The following MYOM1 variants were observed in gnomAD, a reference collection of about 807,000 sequenced individuals.
MYOM1 encodes myomesin-1.
In MYOM1, 164 loss-of-function variants were observed where a neutral mutation model predicts 205.3. That is an observed-to-expected ratio of 0.80 (90% CI 0.70 to 0.91). The LOEUF (loss-of-function observed/expected upper bound fraction) is 0.91. Ranked by LOEUF, MYOM1 falls within the 40% of genes least tolerant of loss-of-function variation. The pLI, the probability that MYOM1 is intolerant of heterozygous loss-of-function variation, is 0.00. For missense variants in MYOM1, 2,011 were observed against 2,127.3 expected (o/e 0.95, Z 1.08); for synonymous variants, 772 against 789.4 (o/e 0.98, Z 0.37).
rs764996297 is a variant in MYOM1 at position 3,168,868 on chromosome 18, T to C, written c.1288A>G (p.Ile430Val). 11 of 1,613,820 alleles carry C rather than the reference T, an allele frequency of 6.8e-6. No individual in the cohort carries two copies. The African/African-American group carries it at 9.3e-5, about 14-fold the overall frequency. ...ETMSLGCRVV[I>V]TPEIKHFQPE... ...TGGAAATGTTTAATTTCAGGAGTGATGACAACACGACAGCCTAGACTCATT... is the reference window on the plus strand; with the variant it reads ...TGGAAATGTTTAATTTCAGGAGTGACGACAACACGACAGCCTAGACTCATT... Residue 430 changes from isoleucine (I) to valine (V), a missense_variant, in exon 9 of 38, where the codon ATC becomes GTC. By Grantham distance (29) the Ile-to-Val change is conservative. Transcript: ENST00000356443.
At chr18:3,192,297 G>A (rs1317333874) in intron 3 of MYOM1, among the ~76,000 whole-genome samples, 1 of 152,126 alleles carries the variant, frequency 6.6e-6, no homozygotes, top group African/African-American at 2.4e-5. Context: ...TCAAAAGGCT[G>A]GGCATCCATA....
chr18:3,242,833 T>A, the MYOM1 span, among the ~76,000 whole-genome samples: 2 of 152,216 alleles, frequency 1.3e-5, no homozygotes, highest in Non-Finnish European at 2.9e-5. Context: ...ATCAGCAGAA[T>A]GAAAACAGAC....
chr18:3,137,229 G>A (rs535479101), intron 14 of MYOM1, among the ~76,000 whole-genome samples: 25 of 152,258 alleles, frequency 1.6e-4, no homozygotes, highest in African/African-American at 2.4e-4. Context: ...GATTACAGGC[G>A]TGAGCCACCA....
intron 5 of MYOM1, among the ~76,000 whole-genome samples, chr18:3,180,465 C>T (rs2080713584): frequency 6.6e-6 from 1 of 152,194 alleles, no homozygotes; most frequent in African/African-American, 2.4e-5. Flanking sequence ...TTTAGGTTTG[C>T]AGTCACTTGA....
chr18:3,079,719 T>A (rs542133552), intron 33 of MYOM1, among the ~76,000 whole-genome samples: 6 of 152,088 alleles, frequency 3.9e-5, no homozygotes, highest in Non-Finnish European at 7.3e-5. Context: ...GCATATTTCA[T>A]CTAGATAATC....
rs573867037 is a variant in MYOM1, at chr18:3,195,983, T to C, written c.291-2025A>G. Among the ~76,000 whole-genome samples, 4 of 152,308 alleles carry C rather than the reference T, an allele frequency of 2.6e-5. No homozygotes were observed. The East Asian group carries it at 7.7e-4, about 29-fold the overall frequency. On this transcript the variant is annotated intron_variant, in intron 2 of 37. Coordinates refer to ENST00000356443, the MANE Select transcript of MYOM1 (RefSeq NM_003803.4). Reference sequence around the variant, plus strand: ...ACAGAAGAATTTTTAAAAAGCATTATGATGTTATGTGTTATATAGTACTGC... The same window carrying C: ...ACAGAAGAATTTTTAAAAAGCATTACGATGTTATGTGTTATATAGTACTGC...
intron 22 of MYOM1, among the ~76,000 whole-genome samples, chr18:3,109,116 G>C (rs1290415087): frequency 6.6e-6 from 1 of 151,666 alleles, no homozygotes; most frequent in African/African-American, 2.4e-5. Context: ...GAGAAGCTGG[G>C]ATTACAGATG....
At position 3,187,548 on chromosome 18, in the gene MYOM1, C is replaced by T. The variant is rs1214170534; in HGVS notation, c.861G>A (p.Thr287=). ...PEFIIKPRSH[T]VWEKENVKLH... is the part of the protein sequence containing the mutation. ...ATTTTACATTCTCCTTCTCCCAAACCGTGTGGGAGCGAGGTTTAATGATAA... is the reference window on the plus strand; with the variant it reads ...ATTTTACATTCTCCTTCTCCCAAACTGTGTGGGAGCGAGGTTTAATGATAA... Residue 287 remains threonine (T), a synonymous_variant, in exon 5 of 38, where the codon ACG becomes ACA. Transcript: ENST00000356443. 7.4e-6 allele frequency: 12 copies of T among 1,613,658 alleles called. No homozygotes were observed. The highest frequency in any genetic ancestry group is 4.0e-5 in the African/African-American group (3 of 74,860).
At chr18:3,151,287 A>T (rs891367743) in intron 12 of MYOM1, among the ~76,000 whole-genome samples, 1 of 151,902 alleles carries the variant, frequency 6.6e-6, no homozygotes, top group Non-Finnish European at 1.5e-5. Flanking sequence ...GTAAAGAAAT[A>T]GACCTTGAGC....
At chr18:3,241,626 A>C in the MYOM1 span, among the ~76,000 whole-genome samples, 1 of 152,252 alleles carries the variant, frequency 6.6e-6, no homozygotes. Flanking sequence ...TGGGAGACCC[A>C]ACACAGACTC....
In MYOM1 at chr18:3,071,839, C is replaced by T; in HGVS notation, c.4759G>A (p.Gly1587Arg). ...GLPDVVTIQE[G>R]KALNLTCNVW... Reference sequence around the variant, plus strand: ...CAGGCAGGCTTCATGCTTACCTTCCCCTCCTGGATGGTGACCACGTCTGGG... The same window carrying T: ...CAGGCAGGCTTCATGCTTACCTTCCTCTCCTGGATGGTGACCACGTCTGGG... The change falls in exon 37 of 38, where the codon GGG (glycine) becomes AGG (arginine). Residue 1587 changes from glycine (G) to arginine (R), a missense_variant. Physicochemically the swap from Gly to Arg is moderately radical, Grantham distance 125 (BLOSUM62 -2). Coordinates refer to ENST00000356443, the MANE Select transcript of MYOM1 (RefSeq NM_003803.4). 6.2e-7 allele frequency: 1 copy of T among 1,601,814 alleles called. No homozygotes were observed. The highest frequency in any genetic ancestry group is 1.3e-5 in the African/African-American group (1 of 74,768).
At chr18:3,170,010 T>C (rs1220574381) in intron 8 of MYOM1, among the ~76,000 whole-genome samples, 1 of 152,126 alleles carries the variant, frequency 6.6e-6, no homozygotes, top group Non-Finnish European at 1.5e-5. Context: ...TAGATGGAAC[T>C]AGAGGACATT....
At chr18:3,104,938 A>G (rs2079432403) in intron 22 of MYOM1, among the ~76,000 whole-genome samples, 1 of 151,930 alleles carries the variant, frequency 6.6e-6, no homozygotes, top group Non-Finnish European at 1.5e-5. Context: ...TTGTAGGGAC[A>G]GGCTTTTGCC....
intron 1 of MYOM1, among the ~76,000 whole-genome samples, chr18:3,216,207 C>T (rs2081265038): frequency 6.6e-6 from 1 of 152,164 alleles, no homozygotes; most frequent in Admixed American, 6.5e-5. Flanking sequence ...GCGGAGTTTG[C>T]AGTGAGCCGA....
At chr18:3,183,909 C>CTCTCTT (rs552298562) in intron 5 of MYOM1, among the ~76,000 whole-genome samples, 5,033 of 143,394 alleles carry the variant, frequency 0.035, 273 homozygotes, top group African/African-American at 0.12. Context: ...CGTTCTCTCT[C>CTCTCTT]TTTTTTTTTT....
At chr18:3,146,177 C>T (rs772804466) in intron 13 of MYOM1, among the ~76,000 whole-genome samples, 16 of 151,956 alleles carry the variant, frequency 1.1e-4, no homozygotes, top group African/African-American at 1.7e-4. Context: ...GTAAATTATA[C>T]TGAATGTTTA....
In MYOM1 at chr18:3,209,941, G is replaced by A. The variant is rs9955206; in HGVS notation, c.290+4993C>T. 0.16 allele frequency among the ~76,000 whole-genome samples: 24,053 copies of A among 152,186 alleles called. 1,921 individuals carry two copies. The highest frequency in any genetic ancestry group is 0.22 in the East Asian group (1,130 of 5,170). ...TAATTTATCCCAAGCACCTAGAGCA[G>A]TGCTTAGCGCTCAGTAAATATTTAT... On this transcript the variant is annotated intron_variant, in intron 2 of 37. Transcript: ENST00000356443. This position sits in a 1 kb window ranked among gnomAD's most constrained non-coding sequence, Gnocchi z 4.0.
intron 20 of MYOM1, among the ~76,000 whole-genome samples, chr18:3,117,788 A>AT (rs1245732114): frequency 6.6e-6 from 1 of 152,110 alleles, no homozygotes; most frequent in Non-Finnish European, 1.5e-5. Flanking sequence ...GTGTTGTGTA[A>AT]TTGATAGTTC....
At chr18:3,137,443 G>A (rs9956031) in intron 14 of MYOM1, among the ~76,000 whole-genome samples, 17,957 of 152,076 alleles carry the variant, frequency 0.12, 1,347 homozygotes, top group African/African-American at 0.21. Flanking sequence ...TGGATGAATG[G>A]ATAAAGAAAA....
Sources: allele counts gnomAD v4.1 joint callset (sites outside exome capture counted in the v4.1 genomes callset), GRCh38; gene constraint gnomAD v4.1.1; non-coding constraint Gnocchi (gnomAD v3.1); transcripts MANE v1.5; gene names NCBI Gene and HGNC (gene_info 2026-07-23, HGNC 2026-07-21).